The following GLT8D2 variants were observed in gnomAD, a reference collection of about 807,000 sequenced individuals.
GLT8D2 encodes the protein glycosyltransferase 8 domain containing 2.
In GLT8D2, 45 loss-of-function variants were observed where a neutral mutation model predicts 44.5. The ratio of observed to expected loss-of-function variants is 1.01; its 90% CI spans 0.80 to 1.30. GLT8D2 has a LOEUF of 1.30. Among genes scored for constraint, GLT8D2 ranks in the 50% most tolerant of loss-of-function variants. The pLI, the probability that GLT8D2 is intolerant of heterozygous loss-of-function variation, is 0.00. For synonymous variants in GLT8D2, 156 were observed against 157.2 expected (o/e 0.99, Z 0.06); for missense variants, 400 against 430.4 (o/e 0.93, Z 0.62).
rs1030102554 is a variant in GLT8D2 at position 104,009,385 on chromosome 12, T to G, written c.112+5628A>C. On this transcript the variant is annotated intron_variant, in intron 4 of 10. Transcript: ENST00000360814. ...CAAGCACAGGGGTAACCCCTTTGTT[T>G]TGGCCAATTTCTCCCATTTGGAATG... 5.3e-5 allele frequency among the ~76,000 whole-genome samples: 8 copies of G among 152,356 alleles called. 1 individual carries two copies. Among genetic ancestry groups the G allele is most frequent in the Admixed American group, 2.6e-4 (4 of 15,304 alleles).
intron 1 of GLT8D2, among the ~76,000 whole-genome samples, chr12:104,057,832 C>T (rs1882310777): frequency 6.6e-6 from 1 of 151,902 alleles, no homozygotes; most frequent in Non-Finnish European, 1.5e-5. Flanking sequence ...CTTTTTTTCC[C>T]CCCTTGCTAG....
intron 4 of GLT8D2, among the ~76,000 whole-genome samples, chr12:104,003,831 C>G (rs1214229112): frequency 1.3e-5 from 2 of 152,162 alleles, no homozygotes; most frequent in East Asian, 3.8e-4. Flanking sequence ...CTATTGAAAC[C>G]ATACCCCCAA....
intron 1 of GLT8D2, among the ~76,000 whole-genome samples, chr12:104,027,796 T>C (rs1421188588): frequency 6.6e-6 from 1 of 152,204 alleles, no homozygotes; most frequent in Non-Finnish European, 1.5e-5. Flanking sequence ...TTGTAAATGA[T>C]GGGGCTGGGA....
upstream of GLT8D2, chr12:104,064,299 G>T (rs1414514090): frequency 7.7e-6 from 3 of 390,848 alleles, no homozygotes; most frequent in Admixed American, 1.4e-4. The surrounding 1 kb of genome is among the most constrained non-coding windows in gnomAD (Gnocchi z 7.3). Flanking sequence ...GGGAGACGTG[G>T]TCAGTGGGAA....
At chr12:104,056,464 A>G (rs1185238983) in intron 1 of GLT8D2, among the ~76,000 whole-genome samples, 1 of 152,220 alleles carries the variant, frequency 6.6e-6, no homozygotes, top group Non-Finnish European at 1.5e-5. Context: ...TCTAGGGTTG[A>G]CTTTTTGGCC....
At chr12:104,056,192 G>C (rs1185486820) in intron 1 of GLT8D2, among the ~76,000 whole-genome samples, 1 of 152,110 alleles carries the variant, frequency 6.6e-6, no homozygotes, top group Admixed American at 6.6e-5. Flanking sequence ...CTTCAGCCAA[G>C]ATCCATGGCT....
rs368696235 is a variant in GLT8D2, at chr12:104,041,447, G to A, written c.-164+8448C>T. On this transcript the variant is annotated intron_variant, in intron 1 of 10. Transcript: ENST00000360814. ...AAAAATTAGTTGGATGTGGTGGCACGCACCTGTGATCCCAGCTCCTTGGGA... is the reference window on the plus strand; with the variant it reads ...AAAAATTAGTTGGATGTGGTGGCACACACCTGTGATCCCAGCTCCTTGGGA... Among the ~76,000 whole-genome samples the A allele has an allele frequency of 3.9e-5, 6 of 151,996 alleles. No homozygotes were observed. The East Asian group carries it at 7.8e-4, about 20-fold the overall frequency.
At chr12:104,038,488 C>G (rs1225981258) in intron 1 of GLT8D2, among the ~76,000 whole-genome samples, 1 of 151,824 alleles carries the variant, frequency 6.6e-6, no homozygotes, top group Non-Finnish European at 1.5e-5. Context: ...ACAAGCATTC[C>G]TATACACCAA....
At chr12:103,989,746 GA>G (rs1162939711) in intron 10 of GLT8D2, among the ~76,000 whole-genome samples, 169 bp from the exon 11 acceptor site, 1 of 152,024 alleles carries the variant, frequency 6.6e-6, no homozygotes, top group Non-Finnish European at 1.5e-5. Context: ...AGTCTCTTGT[GA>G]ATCCTTCTAG....
chr12:104,030,678 T>G, intron 1 of GLT8D2: 2 of 1,555,626 alleles, frequency 1.3e-6, no homozygotes. Flanking sequence ...AAGAAACTCA[T>G]ACAACTCAAT....
upstream of GLT8D2, among the ~76,000 whole-genome samples, chr12:104,051,527 C>A (rs150846129): frequency 9.8e-3 from 1,486 of 152,110 alleles, 26 homozygotes; most frequent in African/African-American, 0.034. Context: ...TTTCAATATA[C>A]AATGTATAGT....
intron 3 of GLT8D2, among the ~76,000 whole-genome samples, chr12:104,019,286 C>A (rs887874909): frequency 6.6e-6 from 1 of 152,004 alleles, no homozygotes; most frequent in Non-Finnish European, 1.5e-5. Flanking sequence ...CGCCACCATG[C>A]CTGGCTAATT....
At chr12:104,039,304 TTAAAC>T (rs1250917905) in intron 1 of GLT8D2, among the ~76,000 whole-genome samples, 5 of 152,144 alleles carry the variant, frequency 3.3e-5, no homozygotes, top group African/African-American at 1.2e-4. Context: ...TGGGATCTAA[TTAAAC>T]TAAAGAGCTT....
At chr12:104,004,936 C>G (rs1187453430) in intron 4 of GLT8D2, among the ~76,000 whole-genome samples, 3 of 152,090 alleles carry the variant, frequency 2.0e-5, no homozygotes, top group African/African-American at 7.2e-5. Flanking sequence ...CAATCCTAAG[C>G]CAAAAGAACA....
intron 1 of GLT8D2, among the ~76,000 whole-genome samples, chr12:104,038,219 C>T (rs1441768090): frequency 1.3e-5 from 2 of 152,176 alleles, no homozygotes; most frequent in African/African-American, 4.8e-5. Context: ...AAAGCATTCC[C>T]TTTGAAAACT....
rs550468370 is a variant in GLT8D2, at chr12:104,060,106, C to G, written c.-423+3843G>C. Among the ~76,000 whole-genome samples the G allele has an allele frequency of 1.8e-4, 27 of 152,344 alleles. 1 individual carries two copies. The highest frequency in any genetic ancestry group is 1.8e-3 in the Admixed American group (27 of 15,302). On this transcript the variant is annotated intron_variant, in intron 1 of 10. Coordinates refer to the GLT8D2 transcript ENST00000548660. ...TTCGTCCTCTTCTTCCCTGACCTCT[C>G]TGTGGCTTTTGGCTTTCCTTACCAC...
intron 1 of GLT8D2, among the ~76,000 whole-genome samples, chr12:104,056,068 T>G (rs866958381): frequency 1.3e-5 from 2 of 152,202 alleles, no homozygotes; most frequent in South Asian, 2.1e-4. Context: ...CCGCATGCGG[T>G]AACTGTTTTT....
At chr12:104,011,133 A>G (rs1322050823) in intron 4 of GLT8D2, among the ~76,000 whole-genome samples, 10 of 152,256 alleles carry the variant, frequency 6.6e-5, no homozygotes, top group African/African-American at 2.4e-4. Flanking sequence ...CCTGGACAGA[A>G]TGAAGGACAA....
At chr12:103,995,194 C>T (rs888869118) in intron 8 of GLT8D2, among the ~76,000 whole-genome samples, 4 of 152,132 alleles carry the variant, frequency 2.6e-5, no homozygotes, top group African/African-American at 7.2e-5. Context: ...CACTATTTTC[C>T]ACCCCACTCT....
Sources: gnomAD v4.1 joint callset for allele counts (sites outside exome capture counted in the v4.1 genomes callset) on GRCh38, gnomAD v4.1.1 for gene constraint, Gnocchi (gnomAD v3.1) non-coding constraint, MANE v1.5 for transcripts, NCBI Gene and HGNC (gene_info 2026-07-23, HGNC 2026-07-21) for gene names.